CSMD1: variants seen among roughly 807,000 people sequenced by gnomAD.
The protein encoded by CSMD1 is CUB and Sushi multiple domains 1.
In CSMD1, 213 loss-of-function variants were observed where a neutral mutation model predicts 417.5. That is an observed-to-expected ratio of 0.51 (90% CI 0.46 to 0.57). The LOEUF (loss-of-function observed/expected upper bound fraction) is 0.57. Among genes scored for constraint, CSMD1 ranks in the 20% least tolerant of loss-of-function variants. CSMD1 has a pLI of 0.00. For synonymous variants in CSMD1, 2,862 were observed against 1,736.8 expected (o/e 1.65, Z -16.11); for missense variants, 6,923 against 4,529.7 (o/e 1.53, Z -15.17).
At chr8:4,559,583 C>A (rs537653635) in intron 2 of CSMD1, among the ~76,000 whole-genome samples, 88 of 152,332 alleles carry the variant, frequency 5.8e-4, no homozygotes, top group African/African-American at 2.1e-3. Context: ...TAGGAACTTA[C>A]ATAATTACCC....
intron 10 of CSMD1, among the ~76,000 whole-genome samples, chr8:3,536,727 AG>A (rs1409092990): frequency 6.6e-6 from 1 of 152,150 alleles, no homozygotes; most frequent in Admixed American, 6.5e-5. Context: ...CCGGTCTTGC[AG>A]GTGGCAGGAG....
At chr8:3,130,438 G>A (rs1331747588) in intron 41 of CSMD1, among the ~76,000 whole-genome samples, 2 of 151,122 alleles carry the variant, frequency 1.3e-5, no homozygotes, top group South Asian at 2.1e-4. Flanking sequence ...CTCTTCCCTC[G>A]CTTCCCCCAA....
intron 5 of CSMD1, among the ~76,000 whole-genome samples, chr8:3,812,305 C>A (rs62479925): frequency 1.3e-5 from 2 of 152,068 alleles, no homozygotes; most frequent in Non-Finnish European, 2.9e-5. Flanking sequence ...TCACAGGGTC[C>A]TTTTCTGAGC....
intron 9 of CSMD1, among the ~76,000 whole-genome samples, chr8:3,583,693 C>T (rs924995110): frequency 6.6e-6 from 1 of 152,066 alleles, no homozygotes; most frequent in African/African-American, 2.4e-5. Context: ...TCAGCCTCTG[C>T]AGATGGCAAA....
rs1342491172 is a variant in CSMD1, at chr8:3,152,648, A to G, written c.5915-1135T>C. ...GGATTTCAAACATTGTATAAGTTGA[A>G]AAATGTGAGCTACAAACATTTAAAA... On this transcript the variant is annotated intron_variant, in intron 39 of 69. Transcript: ENST00000635120. 3.9e-5 allele frequency among the ~76,000 whole-genome samples: 6 copies of G among 152,234 alleles called. No homozygotes were observed. The East Asian group carries it at 1.2e-3, about 29-fold the overall frequency.
intron 11 of CSMD1, among the ~76,000 whole-genome samples, chr8:3,474,028 C>G (rs940541744): frequency 1.3e-4 from 19 of 151,856 alleles, no homozygotes; most frequent in Admixed American, 5.9e-4. Flanking sequence ...AAACTGCCCC[C>G]ATGATCCAAA....
At chr8:4,500,842 G>A (rs1045187525) in intron 2 of CSMD1, among the ~76,000 whole-genome samples, 2 of 152,118 alleles carry the variant, frequency 1.3e-5, no homozygotes, top group African/African-American at 4.8e-5. Flanking sequence ...TTGCCTGGAG[G>A]ATTTCTATTT....
At chr8:4,028,173 A>G (rs1170505137) in intron 4 of CSMD1, among the ~76,000 whole-genome samples, 1 of 152,244 alleles carries the variant, frequency 6.6e-6, no homozygotes, top group African/African-American at 2.4e-5. Flanking sequence ...ATGGGCATCT[A>G]GAGTAGGAAC....
chr8:4,994,274 G>C, intron 1 of CSMD1, 58 bp downstream of exon 1: 1 of 1,513,308 alleles, frequency 6.6e-7, no homozygotes, highest in South Asian at 1.1e-5. Flanking sequence ...ACTCGCGTCC[G>C]CACACGGGGC....
rs1008820398 is a variant in CSMD1, at chr8:3,061,886, A to G, written c.7475-9239T>C. On this transcript the variant is annotated intron_variant, in intron 49 of 69. Coordinates refer to ENST00000635120, the MANE Select transcript of CSMD1 (RefSeq NM_033225.6). Reference sequence around the variant, plus strand: ...AAGTGGGCATTAGAACATTATGCAAATCACCCACATTCTTATGACTAGTAA... The same window carrying G: ...AAGTGGGCATTAGAACATTATGCAAGTCACCCACATTCTTATGACTAGTAA... Among the ~76,000 whole-genome samples, 3 of 152,170 alleles carry G rather than the reference A, an allele frequency of 2.0e-5. No individual in the cohort carries two copies. The East Asian group carries it at 5.8e-4, about 29-fold the overall frequency.
At chr8:4,395,244 T>G (rs1478196905) in intron 3 of CSMD1, among the ~76,000 whole-genome samples, 1 of 152,190 alleles carries the variant, frequency 6.6e-6, no homozygotes, top group Non-Finnish European at 1.5e-5. Flanking sequence ...CTGTTTATCT[T>G]CTTTTATCTT....
chr8:4,568,183 G>T (rs1488271433), intron 2 of CSMD1, among the ~76,000 whole-genome samples: 1 of 152,118 alleles, frequency 6.6e-6, no homozygotes, highest in African/African-American at 2.4e-5. Context: ...TACATGTGCA[G>T]AAAGTGCCAG....
intron 12 of CSMD1, among the ~76,000 whole-genome samples, chr8:3,423,084 A>G (rs898865575): frequency 2.0e-5 from 3 of 152,210 alleles, no homozygotes; most frequent in Admixed American, 6.5e-5. Context: ...ATAATTAAAC[A>G]GATTAAATTA....
intron 8 of CSMD1, among the ~76,000 whole-genome samples, chr8:3,589,245 C>G (rs1184036405): frequency 6.6e-6 from 1 of 152,012 alleles, no homozygotes; most frequent in African/African-American, 2.4e-5. Flanking sequence ...GATCCTATAT[C>G]TGAAGGAAAT....
chr8:3,992,920 T>A (rs551054499), intron 5 of CSMD1, among the ~76,000 whole-genome samples: 2 of 152,230 alleles, frequency 1.3e-5, no homozygotes, highest in Non-Finnish European at 2.9e-5. Flanking sequence ...TCACAAAAGA[T>A]TGAATTGTTA....
At chr8:3,150,509 T>G (rs1819129616) in intron 40 of CSMD1, among the ~76,000 whole-genome samples, 1 of 152,212 alleles carries the variant, frequency 6.6e-6, no homozygotes, top group Non-Finnish European at 1.5e-5. Flanking sequence ...GGGCACAGAT[T>G]CTAAAAGCAG....
At position 4,913,925 on chromosome 8, in the gene CSMD1, G is replaced by C. The variant is rs1219031180; in HGVS notation, c.85+80407C>G. 2.0e-5 allele frequency among the ~76,000 whole-genome samples: 3 copies of C among 152,162 alleles called. No individual in the cohort carries two copies. The East Asian group carries it at 5.8e-4, about 29-fold the overall frequency. The stretch of plus-strand genomic sequence containing the variant: ...TTCTTAATTAATGCGATTACCAAAG[G>C]AATGTATACAAAATAGGGCTCTAAT... On this transcript the variant is annotated intron_variant, in intron 1 of 69. Coordinates refer to ENST00000635120, the MANE Select transcript of CSMD1 (RefSeq NM_033225.6).
At chr8:4,978,527 T>C (rs759934232) in intron 1 of CSMD1, among the ~76,000 whole-genome samples, 4 of 152,226 alleles carry the variant, frequency 2.6e-5, no homozygotes, top group Non-Finnish European at 5.9e-5. Flanking sequence ...ACAGATTTAC[T>C]ATATTGCCAA....
chr8:3,288,890 T>C (rs1007400483), intron 25 of CSMD1, among the ~76,000 whole-genome samples: 1 of 147,086 alleles, frequency 6.8e-6, no homozygotes, highest in Non-Finnish European at 1.5e-5. Context: ...GTTTGTTGCA[T>C]ATGTATACAT....
Sources: allele counts gnomAD v4.1 joint callset (sites outside exome capture counted in the v4.1 genomes callset), GRCh38; gene constraint gnomAD v4.1.1; transcripts MANE v1.5; gene names NCBI Gene and HGNC (gene_info 2026-07-23, HGNC 2026-07-21).